PPM1E: variants seen among roughly 807,000 people sequenced by gnomAD.
PPM1E encodes the protein protein phosphatase 1E.
PPM1E carries 20 observed loss-of-function variants against 65.9 expected under a neutral mutation model. That is an observed-to-expected ratio of 0.30 (90% CI 0.21 to 0.44). PPM1E has a LOEUF of 0.44. PPM1E is among the 20% of genes least tolerant of loss of function. PPM1E has a pLI of 1.00. For missense variants in PPM1E, 713 were observed against 953.1 expected (o/e 0.75, Z 3.32); for synonymous variants, 352 against 374.9 (o/e 0.94, Z 0.70).
At chr17:58,852,552 C>CT (rs903047836) in intron 1 of PPM1E, among the ~76,000 whole-genome samples, 18 of 144,604 alleles carry the variant, frequency 1.2e-4, no homozygotes, top group South Asian at 6.6e-4. Flanking sequence ...TGATACTGAA[C>CT]TTTTTTTTTT....
chr17:58,889,520 A>G (rs1336102725), intron 1 of PPM1E, among the ~76,000 whole-genome samples: 1 of 151,900 alleles, frequency 6.6e-6, no homozygotes, highest in Non-Finnish European at 1.5e-5. Flanking sequence ...AATCGCTTGA[A>G]CCCAGGAGGC....
intron 1 of PPM1E, among the ~76,000 whole-genome samples, chr17:58,927,339 G>T (rs185003842): frequency 4.6e-5 from 7 of 151,888 alleles, no homozygotes; most frequent in African/African-American, 1.7e-4. Flanking sequence ...CACCGTGTCA[G>T]TCAGGATGGT....
chr17:58,903,799 A>C (rs1268172180), intron 1 of PPM1E, among the ~76,000 whole-genome samples: 2 of 152,304 alleles, frequency 1.3e-5, no homozygotes, highest in Admixed American at 6.5e-5. Flanking sequence ...TATTATGTTT[A>C]CTTCTTGTTG....
At chr17:58,865,992 TGTAAA>T (rs1263662872) in intron 1 of PPM1E, among the ~76,000 whole-genome samples, 10 of 152,354 alleles carry the variant, frequency 6.6e-5, no homozygotes, top group African/African-American at 2.2e-4. Context: ...AGATTTCTTA[TGTAAA>T]CTTTAAGCCA....
intron 1 of PPM1E, among the ~76,000 whole-genome samples, chr17:58,917,303 G>A (rs2051696173): frequency 6.6e-6 from 1 of 150,536 alleles, no homozygotes; most frequent in East Asian, 1.9e-4. Context: ...TTGTTTTGGT[G>A]AGGCCTAGAA....
chr17:58,847,541 T>G (rs532896403), intron 1 of PPM1E, among the ~76,000 whole-genome samples: 1 of 152,318 alleles, frequency 6.6e-6, no homozygotes, highest in East Asian at 1.9e-4. Context: ...CTTTCCCCAT[T>G]TCTTGTTTTT....
Position 58,826,201 on chromosome 17 carries a change from C to T in PPM1E, c.464+69740C>T, listed in dbSNP as rs1042968648. ...ATCCCAGCTACTTGGGAGGCTGAGG[C>T]AGGGAGAATTGCTTGAACCTAGGAG... is the stretch of plus-strand genomic sequence containing the variant. On this transcript the variant is annotated intron_variant, in intron 1 of 6. Transcript: ENST00000308249. Among the ~76,000 whole-genome samples, 8 of 150,168 alleles carry T rather than the reference C, an allele frequency of 5.3e-5. No homozygotes were observed. In the Admixed American group the frequency reaches 5.4e-4, roughly 10 times the overall value.
intron 1 of PPM1E, among the ~76,000 whole-genome samples, chr17:58,874,287 A>G (rs1034780379): frequency 6.6e-6 from 1 of 152,164 alleles, no homozygotes; most frequent in African/African-American, 2.4e-5. Flanking sequence ...ATTGCTGCCA[A>G]GATTGTAATT....
At position 58,980,849 on chromosome 17, in the gene PPM1E, C is replaced by A; in HGVS notation, c.2086C>A (p.Pro696Thr). Residue 696 changes from proline to threonine, a missense_variant, in exon 7 of 7, where the codon CCT (proline) becomes ACT (threonine). This residue lies in a region of PPM1E where 286 missense variants were observed against 313.8 expected (regional missense o/e 0.91). Coordinates refer to ENST00000308249, the MANE Select transcript of PPM1E (RefSeq NM_014906.5). The surrounding 1 kb of genome is among the most constrained non-coding windows in gnomAD (Gnocchi z 4.7). Reference sequence around the variant, plus strand: ...TTATTCATTTCTCTCTGCTCAAGAGCCTTCCCACAAAATAGGCACTAGCCT... The same window carrying A: ...TTATTCATTTCTCTCTGCTCAAGAGACTTCCCACAAAATAGGCACTAGCCT... ...KFYSFLSAQE[P>T]SHKIGTSLSS... 3 of 1,614,160 alleles carry A rather than the reference C, an allele frequency of 1.9e-6. No homozygotes were observed. Among genetic ancestry groups the A allele is most frequent in the Non-Finnish European group, 2.5e-6 (3 of 1,180,004 alleles).
chr17:58,907,759 T>A (rs994238735), intron 1 of PPM1E, among the ~76,000 whole-genome samples: 2 of 152,226 alleles, frequency 1.3e-5, no homozygotes, highest in Non-Finnish European at 2.9e-5. Context: ...TCAGCCCTGA[T>A]AACATTCCTT....
At chr17:58,787,679 C>T (rs987334084) in intron 1 of PPM1E, among the ~76,000 whole-genome samples, 6 of 151,946 alleles carry the variant, frequency 3.9e-5, no homozygotes, top group Admixed American at 2.6e-4. Flanking sequence ...GAGGCCGAGG[C>T]GGGCGGATCA....
intron 1 of PPM1E, among the ~76,000 whole-genome samples, chr17:58,841,073 T>C (rs1373343833): frequency 6.6e-6 from 1 of 152,142 alleles, no homozygotes; most frequent in East Asian, 1.9e-4. Flanking sequence ...ACAATTGTTC[T>C]CACTCACCCT....
chr17:58,807,786 A>G (rs2050329715), intron 1 of PPM1E, among the ~76,000 whole-genome samples: 1 of 152,242 alleles, frequency 6.6e-6, no homozygotes, highest in Admixed American at 6.5e-5. Context: ...GAAACATTTT[A>G]AAAGGTACTT....
chr17:58,764,028 G>T (rs1478254479), intron 1 of PPM1E, among the ~76,000 whole-genome samples: 2 of 151,442 alleles, frequency 1.3e-5, no homozygotes, highest in Non-Finnish European at 2.9e-5. Flanking sequence ...AAAGAAACAG[G>T]TGAATTTAGT....
chr17:58,811,278 G>A (rs2050365222), intron 1 of PPM1E, among the ~76,000 whole-genome samples: 1 of 152,050 alleles, frequency 6.6e-6, no homozygotes, highest in African/African-American at 2.4e-5. Context: ...GTAAATTAGT[G>A]TTCTATTTAT....
intron 1 of PPM1E, among the ~76,000 whole-genome samples, chr17:58,875,882 G>A (rs984710140): frequency 6.6e-6 from 1 of 152,088 alleles, no homozygotes; most frequent in African/African-American, 2.4e-5. Context: ...AAATCCCAAG[G>A]ATGTTGACAC....
chr17:58,884,878 A>G (rs1035842283), intron 1 of PPM1E, among the ~76,000 whole-genome samples: 2 of 151,416 alleles, frequency 1.3e-5, no homozygotes, highest in African/African-American at 4.9e-5. Flanking sequence ...CATTATCAAT[A>G]TTATCTTCCC....
chr17:58,971,993 T>C, intron 4 of PPM1E, 139 bp from the exon 5 acceptor site: 4 of 795,872 alleles, frequency 5.0e-6, no homozygotes, highest in Non-Finnish European at 7.7e-6. Context: ...ATTGAGACAA[T>C]GAATTATTAT....
At chr17:58,933,145 G>A (rs1053460666) in intron 1 of PPM1E, among the ~76,000 whole-genome samples, 1 of 152,110 alleles carries the variant, frequency 6.6e-6, no homozygotes, top group South Asian at 2.1e-4. Context: ...TGACAACATC[G>A]CCTAATGATG....
Sources: allele counts gnomAD v4.1 joint callset (sites outside exome capture counted in the v4.1 genomes callset), GRCh38; gene constraint gnomAD v4.1.1; regional missense constraint gnomAD v4.1.1; non-coding constraint Gnocchi (gnomAD v3.1); transcripts MANE v1.5; gene names NCBI Gene and HGNC (gene_info 2026-07-23, HGNC 2026-07-21).